COX7B2: variants seen among roughly 807,000 people sequenced by gnomAD.
COX7B2 encodes the protein cytochrome c oxidase subunit 7B2, mitochondrial.
For synonymous variants in COX7B2, 37 were observed against 32.1 expected, an observed-to-expected ratio of 1.15 and a Z score of -0.51; for missense variants, 109 against 95.9, an observed-to-expected ratio of 1.14 and a Z score of -0.57.
chr4:46,757,751 T>C (rs1283960510), intron 2 of COX7B2, among the ~76,000 whole-genome samples: 1 of 152,178 alleles, frequency 6.6e-6, no homozygotes, highest in Admixed American at 6.6e-5. Flanking sequence ...TCCACTGCTG[T>C]TCAGAGACAG....
intron 1 of COX7B2, among the ~76,000 whole-genome samples, chr4:46,874,387 G>T (rs1379164245): frequency 6.6e-6 from 1 of 152,136 alleles, no homozygotes; most frequent in Non-Finnish European, 1.5e-5. Context: ...GGAATGAAGT[G>T]GTGAGTAGAA....
At chr4:46,864,644 TTTTGTTTG>T (rs57824496) in intron 1 of COX7B2, among the ~76,000 whole-genome samples, 11 of 149,250 alleles carry the variant, frequency 7.4e-5, no homozygotes, top group African/African-American at 1.7e-4. Flanking sequence ...CAGAGTTGTT[TTTTGTTTG>T]TTTGTTTGTT....
intron 2 of COX7B2, among the ~76,000 whole-genome samples, chr4:46,803,732 C>CTTTTTTT (rs5858039): frequency 4.9e-5 from 6 of 123,286 alleles, no homozygotes; most frequent in African/African-American, 1.9e-4. Flanking sequence ...GGTTTACTTT[C>CTTTTTTT]TTTTTTTTTT....
intron 2 of COX7B2, among the ~76,000 whole-genome samples, chr4:46,766,379 C>T (rs1716538135): frequency 6.6e-6 from 1 of 151,922 alleles, no homozygotes; most frequent in African/African-American, 2.4e-5. Context: ...AGTGTGACAC[C>T]TTTTTTGTCA....
intron 1 of COX7B2, among the ~76,000 whole-genome samples, chr4:46,885,723 A>G (rs1719046541): frequency 6.6e-6 from 1 of 152,164 alleles, no homozygotes; most frequent in South Asian, 2.1e-4. Flanking sequence ...TTTCTCATTT[A>G]TCTAAGCATT....
intron 2 of COX7B2, among the ~76,000 whole-genome samples, chr4:46,746,163 T>G (rs1329020818): frequency 2.0e-5 from 3 of 152,174 alleles, no homozygotes; most frequent in Non-Finnish European, 4.4e-5. Context: ...CACTTTATAT[T>G]GCCCTTTAAT....
chr4:46,767,689 CAG>C (rs1716625499), intron 2 of COX7B2, among the ~76,000 whole-genome samples: 1 of 152,042 alleles, frequency 6.6e-6, no homozygotes, highest in South Asian at 2.1e-4. Flanking sequence ...AAATCACTAA[CAG>C]GAGAAAAACT....
At chr4:46,770,450 C>G (rs1484142275) in intron 2 of COX7B2, among the ~76,000 whole-genome samples, 1 of 151,988 alleles carries the variant, frequency 6.6e-6, no homozygotes, top group African/African-American at 2.4e-5. Context: ...CAATCTCTAC[C>G]AAAATTCCAA....
rs991833594 is a variant in COX7B2 at position 46,872,604 on chromosome 4, T to C, written c.-104-27590A>G. ...TCATCATCATTGCTTCTTAATTCTATCTCAGGAAGGCAATTCCTCACAAAT... is the reference window on the plus strand; with the variant it reads ...TCATCATCATTGCTTCTTAATTCTACCTCAGGAAGGCAATTCCTCACAAAT... On this transcript the variant is annotated intron_variant, in intron 1 of 2. Coordinates refer to ENST00000355591, the MANE Select transcript of COX7B2 (RefSeq NM_130902.3). Among the ~76,000 whole-genome samples the C allele has an allele frequency of 5.9e-5, 9 of 152,144 alleles. 1 individual carries two copies. The South Asian group carries it at 6.2e-4, about 11-fold the overall frequency.
intron 1 of COX7B2, among the ~76,000 whole-genome samples, chr4:46,869,128 C>T (rs1447005540): frequency 1.3e-5 from 2 of 151,990 alleles, no homozygotes; most frequent in East Asian, 1.9e-4. Flanking sequence ...TATGTAATGC[C>T]TTTCTTTGTC....
chr4:46,748,530 C>T lies in COX7B2; in HGVS notation c.-49-13289G>A, dbSNP rs751031113. Reference sequence around the variant, plus strand: ...CTATTCAAAAAACCTTGGCCATTTCCTGAACTTCCAGTCACTCTTCTTTCA... The same window carrying T: ...CTATTCAAAAAACCTTGGCCATTTCTTGAACTTCCAGTCACTCTTCTTTCA... On this transcript the variant is annotated intron_variant, in intron 2 of 2. Coordinates refer to ENST00000355591, the MANE Select transcript of COX7B2 (RefSeq NM_130902.3). Among the ~76,000 whole-genome samples, 143 of 152,138 alleles carry T rather than the reference C, an allele frequency of 9.4e-4. 1 individual carries two copies. The highest frequency in any genetic ancestry group is 3.2e-3 in the Middle Eastern group (1 of 316).
intron 2 of COX7B2, among the ~76,000 whole-genome samples, chr4:46,798,196 T>C (rs1243073610): frequency 6.6e-6 from 1 of 152,084 alleles, no homozygotes; most frequent in Non-Finnish European, 1.5e-5. Flanking sequence ...AGGAGTCTAG[T>C]GGTATGGGGC....
At position 46,805,306 on chromosome 4, in the gene COX7B2, C is replaced by T. The variant is rs199867586; in HGVS notation, c.-50+39654G>A. ...GTGGGCATCAAGGCCGAGGAGGTGC[C>T]GAGAGCCAGCCAGGGCTGTGAGGGC... On this transcript the variant is annotated intron_variant, in intron 2 of 2. Coordinates refer to ENST00000355591, the MANE Select transcript of COX7B2 (RefSeq NM_130902.3). 2.6e-4 allele frequency among the ~76,000 whole-genome samples: 40 copies of T among 152,336 alleles called. 1 individual carries two copies. The East Asian group carries it at 3.7e-3, about 14-fold the overall frequency.
intron 2 of COX7B2, among the ~76,000 whole-genome samples, chr4:46,756,987 T>C (rs1200522837): frequency 2.0e-5 from 3 of 152,104 alleles, no homozygotes; most frequent in Non-Finnish European, 4.4e-5. Context: ...CCTACATCTG[T>C]ACATTTATCA....
intron 1 of COX7B2, among the ~76,000 whole-genome samples, chr4:46,871,077 G>T (rs1395977448): frequency 6.6e-6 from 1 of 151,948 alleles, no homozygotes; most frequent in Non-Finnish European, 1.5e-5. Context: ...ACATTATGTT[G>T]CTAGACTTCC....
At chr4:46,838,950 C>T (rs1265790250) in intron 2 of COX7B2, among the ~76,000 whole-genome samples, 1 of 151,866 alleles carries the variant, frequency 6.6e-6, no homozygotes, top group Non-Finnish European at 1.5e-5. Flanking sequence ...AATCAAAGTC[C>T]CCAGGCCCTG....
At chr4:46,880,624 G>A (rs1577691345) in intron 1 of COX7B2, among the ~76,000 whole-genome samples, 4 of 150,884 alleles carry the variant, frequency 2.7e-5, no homozygotes, top group African/African-American at 2.4e-5. Flanking sequence ...ATTTAAGTGG[G>A]GTCAGTGGTA....
chr4:46,896,873 T>A (rs1034231244), intron 1 of COX7B2, among the ~76,000 whole-genome samples: 2 of 152,204 alleles, frequency 1.3e-5, no homozygotes, highest in African/African-American at 4.8e-5. Flanking sequence ...CAAGTACAGT[T>A]GAATGCATTT....
intron 2 of COX7B2, among the ~76,000 whole-genome samples, chr4:46,761,723 A>G (rs115255523): frequency 0.011 from 1,665 of 152,170 alleles, 18 homozygotes; most frequent in Middle Eastern, 0.041. Flanking sequence ...CACATGATGA[A>G]TTGGTTTTTA....
Sources: allele counts gnomAD v4.1 joint callset (sites outside exome capture counted in the v4.1 genomes callset), GRCh38; gene constraint gnomAD v4.1.1; transcripts MANE v1.5; gene names NCBI Gene and HGNC (gene_info 2026-07-23, HGNC 2026-07-21).